RPS6KA2: variants seen among roughly 807,000 people sequenced by gnomAD.
The protein encoded by RPS6KA2 is ribosomal protein S6 kinase alpha-2.
A neutral mutation model predicts 91.8 loss-of-function variants in RPS6KA2; 42 were observed. The ratio of observed to expected loss-of-function variants is 0.46; its 90% CI spans 0.36 to 0.59. RPS6KA2 has a LOEUF of 0.59. Among genes scored for constraint, RPS6KA2 ranks in the 20% least tolerant of loss-of-function variants. The pLI is 0.00. For synonymous variants in RPS6KA2, 414 were observed against 393.6 expected, an observed-to-expected ratio of 1.05 and a Z score of -0.61; for missense variants, 798 against 978.5, an observed-to-expected ratio of 0.82 and a Z score of 2.46.
intron 7 of RPS6KA2, among the ~76,000 whole-genome samples, 168 bp from the exon 8 acceptor site, chr6:166,498,818 T>TC (rs1247263993): frequency 6.6e-6 from 1 of 152,006 alleles, no homozygotes; most frequent in Non-Finnish European, 1.5e-5. Context: ...CCGAAGCCCG[T>TC]CAGTGCCCGA....
At chr6:166,761,369 AATC>A (rs1209004527) in intron 2 of RPS6KA2, among the ~76,000 whole-genome samples, 1 of 152,242 alleles carries the variant, frequency 6.6e-6, no homozygotes, top group African/African-American at 2.4e-5. Context: ...GCCATGGGGA[AATC>A]ATCATAACAA....
chr6:166,539,485 G>T (rs1265845086), intron 1 of RPS6KA2, among the ~76,000 whole-genome samples: 1 of 152,208 alleles, frequency 6.6e-6, no homozygotes, highest in African/African-American at 2.4e-5. Flanking sequence ...GGAAAATGCA[G>T]ACGGCTTGTC....
chr6:166,442,578 G>A (rs1032131030), intron 14 of RPS6KA2, among the ~76,000 whole-genome samples: 2 of 152,026 alleles, frequency 1.3e-5, no homozygotes, highest in Non-Finnish European at 2.9e-5. Context: ...CGTCATCCTC[G>A]TAACTCTCGT....
chr6:166,745,725 TG>T (rs1376932216), intron 2 of RPS6KA2, among the ~76,000 whole-genome samples: 1 of 152,162 alleles, frequency 6.6e-6, no homozygotes, highest in African/African-American at 2.4e-5. Flanking sequence ...TGCTGAGAGC[TG>T]GCAGCTCCAC....
Position 166,648,092 on chromosome 6 carries a change from A to G in RPS6KA2, c.124-109308T>C, listed in dbSNP as rs1301813263. 1.4e-5 allele frequency among the ~76,000 whole-genome samples: 2 copies of G among 148,024 alleles called. No individual in the cohort carries two copies. The highest frequency in any genetic ancestry group is 2.2e-4 in the South Asian group (1 of 4,546). ...TGCACACGCACATGGTCATACACACACGCTCATACACACACGTGCACACAC... is the reference window on the plus strand; with the variant it reads ...TGCACACGCACATGGTCATACACACGCGCTCATACACACACGTGCACACAC... On this transcript the variant is annotated intron_variant, in intron 2 of 21. Transcript: ENST00000503859. The surrounding 1 kb of genome is among the most constrained non-coding windows in gnomAD (Gnocchi z 4.8).
chr6:166,723,277 G>A (rs1423611685), intron 2 of RPS6KA2, among the ~76,000 whole-genome samples: 2 of 152,218 alleles, frequency 1.3e-5, no homozygotes, highest in Non-Finnish European at 2.9e-5. Context: ...AACTTTTAAG[G>A]ACCAGCTGAG....
At chr6:166,608,777 C>T (rs906850854) in intron 1 of RPS6KA2, among the ~76,000 whole-genome samples, 1 of 152,028 alleles carries the variant, frequency 6.6e-6, no homozygotes, top group Non-Finnish European at 1.5e-5. Context: ...CCTGGCCCAT[C>T]GTGGATGGTG....
chr6:166,510,268 T>C lies in RPS6KA2; in HGVS notation c.379+9A>G, dbSNP rs1562545134. On this transcript the variant is annotated intron_variant, in intron 4 of 20. Transcript: ENST00000265678. Reference sequence around the variant, plus strand: ...GTCCTCTTTAAAGTGTCATTTTGACTCTACTTACCATAATGAAGCTTCACA... The same window carrying C: ...GTCCTCTTTAAAGTGTCATTTTGACCCTACTTACCATAATGAAGCTTCACA... 1 of 1,557,620 alleles carries C rather than the reference T, an allele frequency of 6.4e-7. No homozygotes were observed. Among genetic ancestry groups the C allele is most frequent in the South Asian group, 1.1e-5 (1 of 87,972 alleles).
chr6:166,548,354 C>A (rs557221306), intron 1 of RPS6KA2, among the ~76,000 whole-genome samples: 1 of 152,234 alleles, frequency 6.6e-6, no homozygotes, highest in African/African-American at 2.4e-5. Flanking sequence ...GAAGTTTATT[C>A]TAAAATTTCA....
At chr6:166,532,351 C>T (rs552442627) in intron 2 of RPS6KA2, among the ~76,000 whole-genome samples, 14 of 152,178 alleles carry the variant, frequency 9.2e-5, no homozygotes, top group Non-Finnish European at 1.3e-4. Context: ...AGACACTTAC[C>T]GAGTGCAGGG....
intron 2 of RPS6KA2, among the ~76,000 whole-genome samples, chr6:166,713,517 G>A (rs1304829437): frequency 6.6e-6 from 1 of 152,206 alleles, no homozygotes; most frequent in African/African-American, 2.4e-5. Flanking sequence ...AAGGACCAGT[G>A]CGTAGATATC....
chr6:166,713,638 A>G (rs1789931623), intron 2 of RPS6KA2, among the ~76,000 whole-genome samples: 1 of 152,250 alleles, frequency 6.6e-6, no homozygotes, highest in Non-Finnish European at 1.5e-5. Context: ...ACAAACACAG[A>G]TGCACGATTT....
chr6:166,538,829 C>T lies in RPS6KA2; in HGVS notation c.100-45G>A, dbSNP rs193052419. The T allele has an allele frequency of 1.4e-3, 1,425 of 984,052 alleles. 6 individuals are homozygous for T. Among genetic ancestry groups the T allele is most frequent in the South Asian group, 6.6e-3 (482 of 73,090 alleles). 61.0% of individuals were successfully genotyped at this position (984,052 alleles called of 1,614,324 possible). A position where few individuals can be genotyped will look rare whatever the true frequency, so the allele number is the denominator to read the frequency against. On this transcript the variant is annotated intron_variant, in intron 1 of 20. Coordinates refer to ENST00000265678, the MANE Select transcript of RPS6KA2 (RefSeq NM_021135.6). ...GTGAGAAACACACCGCGAGGAGTCC[C>T]TCAGAGCCGCTCACAGCTTCCTCCT...
At chr6:166,754,104 A>C (rs968349835) in intron 2 of RPS6KA2, among the ~76,000 whole-genome samples, 7 of 152,358 alleles carry the variant, frequency 4.6e-5, no homozygotes, top group Admixed American at 1.3e-4. Context: ...GGACCGCCTC[A>C]GTGCCTGGAA....
chr6:166,531,438 G>T, intron 2 of RPS6KA2, 125 bp from the exon 3 acceptor site: 1 of 741,418 alleles, frequency 1.3e-6, no homozygotes, highest in South Asian at 1.7e-5. Flanking sequence ...ACACTGGTGA[G>T]AATTTAAAAT....
chr6:166,510,554 CATATAT>C (rs58712416), intron 3 of RPS6KA2, among the ~76,000 whole-genome samples, 197 bp from the exon 4 acceptor site: 228 of 78,534 alleles, frequency 2.9e-3, no homozygotes, highest in South Asian at 3.4e-3. Context: ...TTCTCTCTCT[CATATAT>C]ATATATATAT....
intron 3 of RPS6KA2, among the ~76,000 whole-genome samples, chr6:166,516,025 T>C (rs767768273): frequency 1.8e-4 from 27 of 152,218 alleles, no homozygotes; most frequent in Admixed American, 2.0e-4. Context: ...ATACATATGT[T>C]GATTGATGTC....
chr6:166,672,520 C>T (rs138842355), intron 2 of RPS6KA2, among the ~76,000 whole-genome samples: 3 of 152,312 alleles, frequency 2.0e-5, no homozygotes, highest in African/African-American at 7.2e-5. Flanking sequence ...GAGTACCCAT[C>T]GCTTTATTTG....
chr6:166,764,663 C>T (rs529983782), intron 2 of RPS6KA2, among the ~76,000 whole-genome samples: 20 of 152,212 alleles, frequency 1.3e-4, no homozygotes, highest in Admixed American at 8.5e-4. Flanking sequence ...CAGGCACAGC[C>T]GGGTGCCCTC....
Sources: gnomAD v4.1 joint callset for allele counts (sites outside exome capture counted in the v4.1 genomes callset) on GRCh38, gnomAD v4.1.1 for gene constraint, Gnocchi (gnomAD v3.1) non-coding constraint, MANE v1.5 for transcripts, NCBI Gene and HGNC (gene_info 2026-07-23, HGNC 2026-07-21) for gene names.